HOOK3: variants seen among roughly 807,000 people sequenced by gnomAD.
The protein encoded by HOOK3 is protein Hook homolog 3.
HOOK3 carries 24 observed loss-of-function variants against 116.3 expected under a neutral mutation model. The ratio of observed to expected loss-of-function variants is 0.21; its 90% CI spans 0.15 to 0.29. The LOEUF is 0.29. HOOK3 is among the 10% of genes least tolerant of loss of function. The probability of loss-of-function intolerance (pLI) is 1.00; values close to 1 mark genes in which losing one functional copy is unlikely to be tolerated. For synonymous variants in HOOK3, 275 were observed against 283.0 expected (o/e 0.97, Z 0.28); for missense variants, 632 against 830.2 (o/e 0.76, Z 2.93).
At chr8:42,906,768 A>G (rs1807319797) in intron 2 of HOOK3, among the ~76,000 whole-genome samples, 1 of 152,210 alleles carries the variant, frequency 6.6e-6, no homozygotes, top group South Asian at 2.1e-4. Context: ...CCAAACACAT[A>G]TACACAGAAT....
At chr8:42,934,543 G>GC (rs1239084397) in intron 4 of HOOK3, among the ~76,000 whole-genome samples, 1 of 149,982 alleles carries the variant, frequency 6.7e-6, no homozygotes, top group Non-Finnish European at 1.5e-5. Context: ...CCCTCCCCTA[G>GC]CCCCCCTCCC....
intron 13 of HOOK3, among the ~76,000 whole-genome samples, chr8:42,977,483 T>G (rs1808850548): frequency 6.6e-6 from 1 of 152,042 alleles, no homozygotes; most frequent in Non-Finnish European, 1.5e-5. Flanking sequence ...AATTCAAACT[T>G]TCAATCACTA....
chr8:42,910,907 A>AT lies in HOOK3; in HGVS notation c.143+4654dup, dbSNP rs200587992. ...TGTTACGAAAGTTTACACAAGGTAT[A>AT]TTTTTAACTCGGTTTAGGAGGTCAT... On this transcript the variant is annotated intron_variant, in intron 2 of 21. Coordinates refer to ENST00000307602, the MANE Select transcript of HOOK3 (RefSeq NM_032410.4). Among the ~76,000 whole-genome samples the AT allele has an allele frequency of 6.1e-3, 923 of 152,340 alleles. 6 individuals carry two copies. The highest frequency in any genetic ancestry group is 1.0e-2 in the Non-Finnish European group (679 of 68,026).
Position 43,029,602 on chromosome 8 carries a change from T to C in HOOK3, c.*11104T>C, listed in dbSNP as rs1410537795. ...CTAGGCTTATCTTGTTTTGCAGTTTTCATGTTTTGACAATTGCCCACCATT... is the reference window on the plus strand; with the variant it reads ...CTAGGCTTATCTTGTTTTGCAGTTTCCATGTTTTGACAATTGCCCACCATT... On this transcript the variant is annotated 3_prime_UTR_variant, in exon 22 of 22. Transcript: ENST00000307602. The C allele has an allele frequency of 5.2e-6, 1 of 192,216 alleles. No individual in the cohort carries two copies. Among genetic ancestry groups the C allele is most frequent in the Non-Finnish European group, 1.1e-5 (1 of 91,978 alleles). The allele number at this position is 192,216 out of a possible 1,614,324, so 11.9% of individuals were successfully genotyped here.
At chr8:42,940,748 A>C (rs1219238313) in intron 4 of HOOK3, among the ~76,000 whole-genome samples, 2 of 151,798 alleles carry the variant, frequency 1.3e-5, no homozygotes, top group Admixed American at 6.6e-5. Flanking sequence ...CTTCTTGAGG[A>C]ATATCTTTGT....
At chr8:43,005,037 C>T (rs1366047897) in intron 17 of HOOK3, among the ~76,000 whole-genome samples, 2 of 151,670 alleles carry the variant, frequency 1.3e-5, no homozygotes, top group Non-Finnish European at 2.9e-5. Flanking sequence ...AATAGAATAC[C>T]AAACAATAGG....
chr8:42,921,191 C>G (rs917544669), intron 2 of HOOK3, among the ~76,000 whole-genome samples: 3 of 147,030 alleles, frequency 2.0e-5, no homozygotes, highest in African/African-American at 7.6e-5. Flanking sequence ...AAGGGATTTT[C>G]TGGTGAGAGA....
chr8:42,917,533 A>C (rs1263570884), intron 2 of HOOK3, among the ~76,000 whole-genome samples: 13 of 152,220 alleles, frequency 8.5e-5, no homozygotes, highest in Non-Finnish European at 1.5e-4. Flanking sequence ...GCTCCTTATG[A>C]ATTACAAAAG....
chr8:42,995,203 G>A (rs1224464832), intron 15 of HOOK3, among the ~76,000 whole-genome samples: 1 of 152,028 alleles, frequency 6.6e-6, no homozygotes. Flanking sequence ...TTAAGTAAAA[G>A]CATTTCTTAT....
At position 42,990,162 on chromosome 8, in the gene HOOK3, A is replaced by AT. The variant is rs544540938; in HGVS notation, c.1532+3373dup. Among the ~76,000 whole-genome samples, 17 of 151,638 alleles carry AT rather than the reference A, an allele frequency of 1.1e-4. No individual in the cohort carries two copies. In the South Asian group the frequency reaches 3.5e-3, roughly 32 times the overall value. Reference sequence around the variant, plus strand: ...AGGTACACACCACCATGCCTGGCTGATTTTTTAATTTTCTGGAGAGACAGG... The same window carrying AT: ...AGGTACACACCACCATGCCTGGCTGATTTTTTTAATTTTCTGGAGAGACAGG... On this transcript the variant is annotated intron_variant, in intron 15 of 21. Coordinates refer to ENST00000307602, the MANE Select transcript of HOOK3 (RefSeq NM_032410.4).
At position 43,025,397 on chromosome 8, in the gene HOOK3, C is replaced by A; in HGVS notation, c.*6899C>A. 4.7e-6 allele frequency: 1 copy of A among 213,832 alleles called. No individual in the cohort carries two copies. Among genetic ancestry groups the A allele is most frequent in the Non-Finnish European group, 9.5e-6 (1 of 105,816 alleles). 13.2% of individuals were successfully genotyped at this position (213,832 alleles called of 1,614,324 possible). On this transcript the variant is annotated 3_prime_UTR_variant, in exon 22 of 22. Transcript: ENST00000307602. Reference sequence around the variant, plus strand: ...GTGGATCATTGGGATAAGAAATAGCCTAATTATAAACAAATATGCAGGCAG... The same window carrying A: ...GTGGATCATTGGGATAAGAAATAGCATAATTATAAACAAATATGCAGGCAG...
intron 17 of HOOK3, among the ~76,000 whole-genome samples, chr8:43,006,939 T>TA (rs1442191891): frequency 6.6e-6 from 1 of 150,788 alleles, no homozygotes; most frequent in African/African-American, 2.4e-5. Context: ...CAGGGGAAAA[T>TA]ATCTCACTTT....
chr8:42,907,834 A>AC (rs1203221216), intron 2 of HOOK3, among the ~76,000 whole-genome samples: 1 of 150,670 alleles, frequency 6.6e-6, no homozygotes, highest in Non-Finnish European at 1.5e-5. Flanking sequence ...AAAAAAAAAA[A>AC]AAAAACAGTA....
At chr8:43,010,284 T>G (rs1428302432) in intron 18 of HOOK3, 21 bp from the exon 19 acceptor site, 4 of 716,328 alleles carry the variant, frequency 5.6e-6, no homozygotes, top group Non-Finnish European at 7.9e-6. Flanking sequence ...ATATATATAT[T>G]TTACTGTGTC....
intron 2 of HOOK3, among the ~76,000 whole-genome samples, chr8:42,910,677 A>G (rs776326494): frequency 2.0e-5 from 3 of 152,230 alleles, no homozygotes. Flanking sequence ...AAATAGTTGT[A>G]TGATGTATAC....
intron 2 of HOOK3, among the ~76,000 whole-genome samples, chr8:42,919,758 C>T (rs953057615): frequency 1.3e-5 from 2 of 152,314 alleles, no homozygotes; most frequent in East Asian, 1.9e-4. Context: ...CCAGCCAACA[C>T]GGTGAAACCC....
At chr8:42,992,832 G>A (rs1231954276) in intron 15 of HOOK3, among the ~76,000 whole-genome samples, 1 of 152,022 alleles carries the variant, frequency 6.6e-6, no homozygotes, top group African/African-American at 2.4e-5. Flanking sequence ...CTCTGGCTAG[G>A]ACTTCTAGTA....
chr8:42,980,636 C>T (rs894298231), intron 13 of HOOK3, among the ~76,000 whole-genome samples: 2 of 152,092 alleles, frequency 1.3e-5, no homozygotes, highest in Admixed American at 6.6e-5. Flanking sequence ...CACCTGTAAT[C>T]CCAGCACTTT....
intron 6 of HOOK3, among the ~76,000 whole-genome samples, chr8:42,956,352 G>A (rs1378907700): frequency 1.3e-5 from 2 of 151,232 alleles, no homozygotes; most frequent in Admixed American, 1.3e-4. Flanking sequence ...GCTATTTTTA[G>A]TGAGAAGCCA....
Sources: gnomAD v4.1 joint callset for allele counts (sites outside exome capture counted in the v4.1 genomes callset) on GRCh38, gnomAD v4.1.1 for gene constraint, MANE v1.5 for transcripts, NCBI Gene and HGNC (gene_info 2026-07-23, HGNC 2026-07-21) for gene names.